Variants in GABBR2 observed in about 807,000 individuals in gnomAD.
GABBR2 encodes G-protein coupled receptor 51.
In GABBR2, 23 loss-of-function variants were observed where a neutral mutation model predicts 105.6. That is an observed-to-expected ratio of 0.22 (90% CI 0.16 to 0.31). The LOEUF (loss-of-function observed/expected upper bound fraction) is 0.31, where lower values mean the gene tolerates loss of function less well. GABBR2 is among the 10% of genes least tolerant of loss of function. The probability of loss-of-function intolerance (pLI) is 1.00; values close to 1 mark genes in which losing one functional copy is unlikely to be tolerated. For synonymous variants in GABBR2, 478 were observed against 499.7 expected (o/e 0.96, Z 0.58); for missense variants, 734 against 1,245.5 (o/e 0.59, Z 6.18).
chr9:98,620,552 C>T (rs1268269496), intron 1 of GABBR2, among the ~76,000 whole-genome samples: 1 of 151,836 alleles, frequency 6.6e-6, no homozygotes, highest in Non-Finnish European at 1.5e-5. Flanking sequence ...GCCAACCCAC[C>T]CTTGATTTTT....
At chr9:98,630,165 A>T (rs1194263065) in intron 1 of GABBR2, among the ~76,000 whole-genome samples, 3 of 152,266 alleles carry the variant, frequency 2.0e-5, no homozygotes, top group Admixed American at 2.0e-4. Flanking sequence ...GGGTATCCAG[A>T]TACCCTGGAA....
intron 3 of GABBR2, among the ~76,000 whole-genome samples, chr9:98,506,038 C>A (rs1827503833): frequency 6.6e-6 from 1 of 152,164 alleles, no homozygotes. Context: ...ACCCCAGTTT[C>A]CCTCTATTTG....
chr9:98,334,104 G>C lies in GABBR2; in HGVS notation c.1894-22899C>G, dbSNP rs571726136. The stretch of plus-strand genomic sequence containing the variant: ...AGCTTTGTTGAAATCCTAGAAGAAG[G>C]CTGAGTAGATCTAGTACTAAGGATG... On this transcript the variant is annotated intron_variant, in intron 13 of 18. Coordinates refer to ENST00000259455, the MANE Select transcript of GABBR2 (RefSeq NM_005458.8). Among the ~76,000 whole-genome samples, 4 of 152,308 alleles carry C rather than the reference G, an allele frequency of 2.6e-5. No homozygotes were observed. In the East Asian group the frequency reaches 7.7e-4, roughly 29 times the overall value.
intron 3 of GABBR2, among the ~76,000 whole-genome samples, chr9:98,505,114 G>A (rs759679118): frequency 1.3e-5 from 2 of 152,228 alleles, no homozygotes; most frequent in Non-Finnish European, 2.9e-5. Context: ...GACGGAGAAG[G>A]TGGCTTTGAT....
chr9:98,622,367 TGTTGCCCAG>T (rs2131822337), intron 1 of GABBR2, among the ~76,000 whole-genome samples: 1 of 152,304 alleles, frequency 6.6e-6, no homozygotes, highest in South Asian at 2.1e-4. Flanking sequence ...GGCGTCACCA[TGTTGCCCAG>T]GCTGGTCTTG....
intron 3 of GABBR2, among the ~76,000 whole-genome samples, chr9:98,524,006 A>G (rs997808503): frequency 6.6e-6 from 1 of 151,818 alleles, no homozygotes; most frequent in African/African-American, 2.4e-5. Flanking sequence ...CCTATAACAA[A>G]AAAACAGAGG....
chr9:98,440,268 C>T (rs1002575731), intron 7 of GABBR2, among the ~76,000 whole-genome samples: 3 of 152,204 alleles, frequency 2.0e-5, no homozygotes, highest in Non-Finnish European at 2.9e-5. Flanking sequence ...CTCTGACAAA[C>T]CTTCTGCAAA....
chr9:98,458,893 C>T (rs1826373288), intron 6 of GABBR2, among the ~76,000 whole-genome samples: 1 of 152,220 alleles, frequency 6.6e-6, no homozygotes, highest in Non-Finnish European at 1.5e-5. Context: ...TGGATCTTTT[C>T]AGTAGCAACT....
chr9:98,683,135 C>A (rs1255035819), intron 1 of GABBR2, among the ~76,000 whole-genome samples: 1 of 152,142 alleles, frequency 6.6e-6, no homozygotes, highest in Non-Finnish European at 1.5e-5. Context: ...GCTCTATCGC[C>A]TAGGCTAGAG....
chr9:98,291,829 C>T (rs1830307261), intron 18 of GABBR2, among the ~76,000 whole-genome samples: 1 of 152,210 alleles, frequency 6.6e-6, no homozygotes, highest in South Asian at 2.1e-4. Flanking sequence ...TAAATATCAC[C>T]TTGTTTGTGC....
intron 3 of GABBR2, among the ~76,000 whole-genome samples, chr9:98,514,705 C>T (rs369242386): frequency 6.7e-6 from 1 of 150,246 alleles, no homozygotes; most frequent in Middle Eastern, 3.4e-3. Flanking sequence ...TGCTAAATGA[C>T]GAGTTAATGG....
At chr9:98,608,410 A>G (rs1361197637) in intron 1 of GABBR2, among the ~76,000 whole-genome samples, 4 of 152,222 alleles carry the variant, frequency 2.6e-5, no homozygotes, top group African/African-American at 9.6e-5. Flanking sequence ...AATGCAAGAT[A>G]ACATTTTACT....
At chr9:98,480,117 T>A (rs1157753362) in intron 5 of GABBR2, among the ~76,000 whole-genome samples, 1 of 152,180 alleles carries the variant, frequency 6.6e-6, no homozygotes, top group African/African-American at 2.4e-5. Flanking sequence ...ACACTACGCC[T>A]AGAATGACCT....
intron 3 of GABBR2, among the ~76,000 whole-genome samples, chr9:98,528,095 A>G (rs1447615866): frequency 1.3e-5 from 2 of 152,146 alleles, no homozygotes; most frequent in African/African-American, 4.8e-5. Context: ...GTTTCTTTTT[A>G]CTTTATAAAA....
intron 2 of GABBR2, among the ~76,000 whole-genome samples, chr9:98,553,942 A>G (rs752572261): frequency 6.6e-6 from 1 of 152,206 alleles, no homozygotes; most frequent in Non-Finnish European, 1.5e-5. Flanking sequence ...TCTCTAGTCT[A>G]ATTTTGATCT....
At chr9:98,432,196 C>A (rs980346778) in intron 7 of GABBR2, among the ~76,000 whole-genome samples, 13 of 152,100 alleles carry the variant, frequency 8.5e-5, no homozygotes, top group African/African-American at 3.1e-4. Context: ...GCACCCGGCT[C>A]AAGGAAGGTT....
intron 1 of GABBR2, among the ~76,000 whole-genome samples, chr9:98,614,262 G>A (rs530862121): frequency 2.0e-5 from 3 of 152,294 alleles, no homozygotes; most frequent in East Asian, 1.9e-4. Flanking sequence ...GGTGGCTCAC[G>A]CCTGTAATCC....
rs1829413244 is a variant in GABBR2 at position 98,605,968 on chromosome 9, C to T, written c.322-27896G>A. Reference sequence around the variant, plus strand: ...GGCCCCGGTGTGTGATGTTCCCCTTCCTGTGTCCAAGCATTCTCATTGTTC... The same window carrying T: ...GGCCCCGGTGTGTGATGTTCCCCTTTCTGTGTCCAAGCATTCTCATTGTTC... On this transcript the variant is annotated intron_variant, in intron 1 of 18. Transcript: ENST00000259455. Among the ~76,000 whole-genome samples the T allele has an allele frequency of 2.0e-5, 3 of 152,024 alleles. No individual in the cohort carries two copies. The South Asian group carries it at 6.2e-4, about 32-fold the overall frequency.
chr9:98,559,417 A>G (rs1404012036), intron 2 of GABBR2, among the ~76,000 whole-genome samples: 1 of 152,260 alleles, frequency 6.6e-6, no homozygotes, highest in Non-Finnish European at 1.5e-5. Flanking sequence ...GGCGTGAGCC[A>G]TATGTTTAAT....
Sources: allele counts gnomAD v4.1 joint callset (sites outside exome capture counted in the v4.1 genomes callset), GRCh38; gene constraint gnomAD v4.1.1; transcripts MANE v1.5; gene names NCBI Gene and HGNC (gene_info 2026-07-23, HGNC 2026-07-21).